TMPRSS7: variants seen among roughly 807,000 people sequenced by gnomAD.
The protein encoded by TMPRSS7 is transmembrane protease serine 7.
A neutral mutation model predicts 95.6 loss-of-function variants in TMPRSS7; 81 were observed. That is an observed-to-expected ratio of 0.85 (90% CI 0.71 to 1.02). TMPRSS7 has a LOEUF of 1.02. Ranked by LOEUF, TMPRSS7 falls within the 50% of genes least tolerant of loss-of-function variation. The pLI is 0.00. For missense variants in TMPRSS7, 945 were observed against 955.2 expected (o/e 0.99, Z 0.14); for synonymous variants, 364 against 337.8 (o/e 1.08, Z -0.85).
chr3:112,049,531 T>A (rs977654101), intron 7 of TMPRSS7, among the ~76,000 whole-genome samples: 1 of 152,194 alleles, frequency 6.6e-6, no homozygotes, highest in Admixed American at 6.5e-5. Context: ...CAGTTTTCCT[T>A]AGAGCAGAGT....
chr3:112,046,866 G>A (rs1180827471), intron 5 of TMPRSS7, 108 bp from the exon 6 acceptor site: 7 of 678,012 alleles, frequency 1.0e-5, no homozygotes, highest in Admixed American at 2.1e-5. Context: ...AATCCCAGAT[G>A]TGTTTGATTG....
chr3:112,062,102 TAA>T (rs1487280975), intron 11 of TMPRSS7, among the ~76,000 whole-genome samples, 179 bp downstream of exon 11: 3 of 151,400 alleles, frequency 2.0e-5, no homozygotes, highest in Non-Finnish European at 2.9e-5. Context: ...AACAAATATA[TAA>T]GATTACATAT....
intron 17 of TMPRSS7, among the ~76,000 whole-genome samples, 172 bp from the exon 18 acceptor site, chr3:112,080,742 A>G (rs1464085280): frequency 6.6e-6 from 1 of 152,214 alleles, no homozygotes; most frequent in Non-Finnish European, 1.5e-5. Flanking sequence ...AATAATTATA[A>G]AATGATAGAA....
chr3:112,053,966 T>A (rs1041178174), intron 9 of TMPRSS7, among the ~76,000 whole-genome samples: 1 of 152,204 alleles, frequency 6.6e-6, no homozygotes, highest in Non-Finnish European at 1.5e-5. Context: ...ATCACAAAAG[T>A]CATCAGCACA....
chr3:112,079,524 AT>A (rs1211584567), intron 17 of TMPRSS7, among the ~76,000 whole-genome samples: 6 of 151,534 alleles, frequency 4.0e-5, no homozygotes, highest in African/African-American at 9.7e-5. Flanking sequence ...ACATCATGAG[AT>A]TTTTTTTTGC....
At position 112,075,359 on chromosome 3, in the gene TMPRSS7, G is replaced by A. The variant is rs371495741; in HGVS notation, c.1822G>A (p.Gly608Arg). ...TTCCTCCGCCCTTCACCGCATCATC[G>A]GAGGCACAGACACCCTGGAGGGGGG... Residue 608 changes from glycine (G) to arginine (R), a missense_variant, in exon 15 of 18, where the codon GGA becomes AGA. Transcript: ENST00000452346. 1.7e-5 allele frequency: 25 copies of A among 1,476,382 alleles called. No individual in the cohort carries two copies. In the African/African-American group the frequency reaches 2.0e-4, roughly 12 times the overall value. 91.5% of individuals were successfully genotyped at this position (1,476,382 alleles called of 1,614,324 possible).
chr3:112,046,204 C>T (rs1366332492), intron 5 of TMPRSS7, among the ~76,000 whole-genome samples: 1 of 152,176 alleles, frequency 6.6e-6, no homozygotes, highest in Non-Finnish European at 1.5e-5. Context: ...TACCTTTATT[C>T]AGGTCATGCA....
intron 12 of TMPRSS7, among the ~76,000 whole-genome samples, chr3:112,063,949 T>A (rs1187230703): frequency 1.3e-5 from 2 of 152,180 alleles, no homozygotes; most frequent in Non-Finnish European, 2.9e-5. Context: ...AGTGGGCTAG[T>A]CATGGCAGTG....
At chr3:112,071,292 G>A (rs763193705) in intron 13 of TMPRSS7, among the ~76,000 whole-genome samples, 24 of 152,214 alleles carry the variant, frequency 1.6e-4, no homozygotes, top group African/African-American at 2.7e-4. Flanking sequence ...TTTCTGGCTT[G>A]TAGGGTTTCT....
intron 3 of TMPRSS7, among the ~76,000 whole-genome samples, chr3:112,043,644 A>G (rs1236614667): frequency 1.3e-5 from 2 of 152,194 alleles, no homozygotes; most frequent in Admixed American, 6.5e-5. Context: ...TACTAGAGAA[A>G]ATGACTGGGG....
intron 12 of TMPRSS7, among the ~76,000 whole-genome samples, chr3:112,064,661 C>T (rs1026117425): frequency 6.6e-6 from 1 of 152,106 alleles, no homozygotes; most frequent in Non-Finnish European, 1.5e-5. Context: ...CTGCAGCCAG[C>T]CCCATAAAAG....
At chr3:112,040,041 G>A (rs527847926) in intron 2 of TMPRSS7, among the ~76,000 whole-genome samples, 6 of 148,252 alleles carry the variant, frequency 4.0e-5, no homozygotes, top group South Asian at 2.1e-4. Flanking sequence ...CGGAACCCCT[G>A]CCCCCACCCC....
At chr3:112,075,623 TC>T in intron 15 of TMPRSS7, 131 bp downstream of exon 15, 1 of 795,822 alleles carries the variant, frequency 1.3e-6, no homozygotes, top group Non-Finnish European at 1.8e-6. Context: ...ATTTTTTGGA[TC>T]CCACGTGTGT....
exon 18 of TMPRSS7, chr3:112,081,044 T>C: frequency 6.2e-7 from 1 of 1,612,584 alleles, no homozygotes; most frequent in Non-Finnish European, 8.5e-7. Context: ...GTGTCAAACT[T>C]TGTTCCCTGG....
chr3:112,080,809 C>T, intron 17 of TMPRSS7, 105 bp from the exon 18 acceptor site: 10 of 1,125,284 alleles, frequency 8.9e-6, no homozygotes, highest in Non-Finnish European at 1.2e-5. Flanking sequence ...CAAGCAAAAA[C>T]ATGTCATTAG....
intron 1 of TMPRSS7, among the ~76,000 whole-genome samples, chr3:112,035,878 T>A (rs758252908): frequency 4.6e-5 from 7 of 152,216 alleles, no homozygotes; most frequent in Non-Finnish European, 8.8e-5. Flanking sequence ...AATTTTCTAA[T>A]CTAATGAGTG....
intron 13 of TMPRSS7, among the ~76,000 whole-genome samples, chr3:112,069,255 A>G (rs929499664): frequency 2.0e-5 from 3 of 152,202 alleles, no homozygotes; most frequent in Non-Finnish European, 2.9e-5. Flanking sequence ...TTTTGCATCA[A>G]TGTTCATCTG....
chr3:112,066,203 G>T lies in TMPRSS7; in HGVS notation c.1556-189G>T, dbSNP rs74966366. The stretch of plus-strand genomic sequence containing the variant: ...AAGCAAAAATCAGATCTGACAAAAC[G>T]TGCTAGAAATCACACCAAAGTTTAA... On this transcript the variant is annotated intron_variant, in intron 12 of 17. Transcript: ENST00000452346. Among the ~76,000 whole-genome samples, 674 of 152,236 alleles carry T rather than the reference G, an allele frequency of 4.4e-3. 22 individuals carry two copies. The East Asian group carries it at 0.065, about 15-fold the overall frequency.
At chr3:112,075,667 T>TA (rs1378393952) in intron 15 of TMPRSS7, among the ~76,000 whole-genome samples, 175 bp downstream of exon 15, 1 of 152,078 alleles carries the variant, frequency 6.6e-6, no homozygotes, top group Non-Finnish European at 1.5e-5. Context: ...ATTATTGGTA[T>TA]AAAAAAAGCA....
Sources: allele counts gnomAD v4.1 joint callset (sites outside exome capture counted in the v4.1 genomes callset), GRCh38; gene constraint gnomAD v4.1.1; transcripts MANE v1.5; gene names NCBI Gene and HGNC (gene_info 2026-07-23, HGNC 2026-07-21).